Variants in MS4A1 observed in about 807,000 individuals in gnomAD.
The protein encoded by MS4A1 is B-lymphocyte antigen CD20.
In MS4A1, 16 loss-of-function variants were observed where a neutral mutation model predicts 26.5. That is an observed-to-expected ratio of 0.60 (90% confidence interval 0.41 to 0.92). The LOEUF (loss-of-function observed/expected upper bound fraction) is 0.92. MS4A1 is among the 40% of genes least tolerant of loss of function. The pLI is 0.00. For synonymous variants in MS4A1, 128 were observed against 117.6 expected (o/e 1.09, Z -0.57); for missense variants, 350 against 353.0 (o/e 0.99, Z 0.07).
intron 1 of MS4A1, among the ~76,000 whole-genome samples, chr11:60,460,826 G>A (rs1179505806): frequency 6.6e-6 from 1 of 151,674 alleles, no homozygotes; most frequent in Non-Finnish European, 1.5e-5. Context: ...CTGATAAATA[G>A]CATTTACTAC....
intron 1 of MS4A1, among the ~76,000 whole-genome samples, chr11:60,459,614 G>A (rs954754872): frequency 1.1e-4 from 17 of 152,122 alleles, no homozygotes; most frequent in Non-Finnish European, 1.3e-4. Flanking sequence ...GAATCAGTCC[G>A]CAAACTCTTT....
intron 1 of MS4A1, among the ~76,000 whole-genome samples, chr11:60,456,251 C>T (rs1185211433): frequency 6.6e-6 from 1 of 152,110 alleles, no homozygotes; most frequent in Non-Finnish European, 1.5e-5. Context: ...TGGAGCTCTA[C>T]CACTAACAAA....
chr11:60,468,575 T>C lies in MS4A1; in HGVS notation c.*107T>C. The C allele has an allele frequency of 1.0e-6, 1 of 998,124 alleles. No homozygotes were observed. Among genetic ancestry groups the C allele is most frequent in the Non-Finnish European group, 1.6e-6 (1 of 640,802 alleles). 61.8% of individuals were successfully genotyped at this position (998,124 alleles called of 1,614,324 possible). A position where few individuals can be genotyped will look rare whatever the true frequency, so the allele number is the denominator to read the frequency against. On this transcript the variant is annotated 3_prime_UTR_variant, in exon 8 of 8. Coordinates refer to ENST00000345732, the MANE Select transcript of MS4A1 (RefSeq NM_152866.3). ...AGGTACTCTGCACATACGCACCACA[T>C]CTCTATCTGGCCTTTGCATGGAGTG...
intron 7 of MS4A1, 103 bp downstream of exon 7, chr11:60,467,163 C>A: frequency 2.0e-6 from 2 of 1,006,268 alleles, no homozygotes; most frequent in Non-Finnish European, 3.1e-6. Flanking sequence ...AAACTAGGAG[C>A]TTGATTTAAA....
chr11:60,464,468 C>T (rs2086274655), intron 5 of MS4A1, 124 bp downstream of exon 5: 6 of 789,180 alleles, frequency 7.6e-6, no homozygotes, highest in Admixed American at 6.1e-5. Context: ...CAAAGACCCT[C>T]CACAATGTTA....
intron 2 of MS4A1, 86 bp downstream of exon 2, chr11:60,461,246 G>A (rs919017373): frequency 6.6e-5 from 10 of 151,740 alleles, no homozygotes; most frequent in African/African-American, 2.4e-4. Flanking sequence ...GTTATAGATT[G>A]AGGGTTCAAG....
intron 5 of MS4A1, among the ~76,000 whole-genome samples, chr11:60,464,791 A>C (rs566855826): frequency 2.0e-5 from 3 of 152,178 alleles, no homozygotes; most frequent in African/African-American, 7.2e-5. Context: ...CCTTGCTACC[A>C]TGTGACGTCC....
chr11:60,458,996 C>G (rs1180373109), intron 1 of MS4A1, among the ~76,000 whole-genome samples: 1 of 151,940 alleles, frequency 6.6e-6, no homozygotes, highest in Non-Finnish European at 1.5e-5. Flanking sequence ...ACACACACAG[C>G]CCTCATGGTC....
At chr11:60,464,673 G>T (rs1431299711) in intron 5 of MS4A1, among the ~76,000 whole-genome samples, 1 of 152,142 alleles carries the variant, frequency 6.6e-6, no homozygotes, top group Non-Finnish European at 1.5e-5. Flanking sequence ...TCTGATCAAT[G>T]TCATGATTGA....
At chr11:60,458,716 T>C (rs534277776) in intron 1 of MS4A1, among the ~76,000 whole-genome samples, 1 of 152,342 alleles carries the variant, frequency 6.6e-6, no homozygotes, top group South Asian at 2.1e-4. Context: ...GTTTTATGTA[T>C]TTATGAATTC....
Position 60,465,923 on chromosome 11 carries a change from C to T in MS4A1, c.339C>T (p.Val113=). The change falls in exon 6 of 8, where the codon GTC becomes GTT. Residue 113 remains valine, a splice_region_variant and synonymous_variant. Transcript: ENST00000345732. ...ATEKNSRKCL[V]KGKMIMNSLS... ...ATAAATCTGTGTCTCCATTTCAGGT[C>T]AAAGGAAAAATGATAATGAATTCAT... is the stretch of plus-strand genomic sequence containing the variant. 6.2e-7 allele frequency: 1 copy of T among 1,611,028 alleles called. No homozygotes were observed. Among genetic ancestry groups the T allele is most frequent in the Non-Finnish European group, 8.5e-7 (1 of 1,177,754 alleles).
intron 1 of MS4A1, among the ~76,000 whole-genome samples, chr11:60,459,101 C>A (rs1318801242): frequency 1.3e-5 from 2 of 152,162 alleles, no homozygotes; most frequent in Non-Finnish European, 2.9e-5. Flanking sequence ...TTTAATCAAG[C>A]AGTTGATGAA....
chr11:60,467,277 C>CTTTTT (rs201750543), intron 7 of MS4A1, among the ~76,000 whole-genome samples: 9 of 134,546 alleles, frequency 6.7e-5, no homozygotes, highest in African/African-American at 2.5e-4. Flanking sequence ...TTCTGTGCGT[C>CTTTTT]TTTTTTTTTT....
At chr11:60,462,875 C>T in intron 3 of MS4A1, 127 bp from the exon 4 acceptor site, 1 of 1,400,698 alleles carries the variant, frequency 7.1e-7, no homozygotes, top group Non-Finnish European at 1.0e-6. Context: ...AAATTCTTGG[C>T]ACCTCCACTG....
At chr11:60,456,003 G>A (rs748512821) in intron 1 of MS4A1, 58 bp downstream of exon 1, 6 of 152,172 alleles carry the variant, frequency 3.9e-5, no homozygotes, top group Admixed American at 3.9e-4. Flanking sequence ...ATAAGGTATA[G>A]AATGGTTTTG....
Position 60,463,067 on chromosome 11 carries a change from G to A in MS4A1, c.225G>A (p.Gly75=). Residue 75 remains glycine, a synonymous_variant, in exon 4 of 8, where the codon GGG becomes GGA. Transcript: ENST00000345732. ...ALGGLLMIPA[G]IYAPICVTVW... is the part of the protein sequence containing the mutation. ...GGGGTCTTCTGATGATCCCAGCAGG[G>A]ATCTATGCACCCATCTGTGTGACTG... is the stretch of plus-strand genomic sequence containing the variant. The A allele has an allele frequency of 1.9e-6, 3 of 1,614,162 alleles. No individual in the cohort carries two copies. The highest frequency in any genetic ancestry group is 2.5e-6 in the Non-Finnish European group (3 of 1,180,040).
rs992472234 is a variant in MS4A1, at chr11:60,467,037, A to G, written c.652A>G (p.Arg218Gly). 2.5e-6 allele frequency: 4 copies of G among 1,614,142 alleles called. No homozygotes were observed. Among genetic ancestry groups the G allele is most frequent in the Non-Finnish European group, 3.4e-6 (4 of 1,180,008 alleles). Residue 218 changes from arginine to glycine, a missense_variant, in exon 7 of 8, where the codon AGA becomes GGA. Coordinates refer to ENST00000345732, the MANE Select transcript of MS4A1 (RefSeq NM_152866.3). Reference sequence around the variant, plus strand: ...TGGCATCGTTGAGAATGAATGGAAAAGAACGTGCTCCAGACCCAAATCTGT... The same window carrying G: ...TGGCATCGTTGAGAATGAATGGAAAGGAACGTGCTCCAGACCCAAATCTGT... ...IAGIVENEWK[R>G]TCSRPKSNIV...
Position 60,462,471 on chromosome 11 carries a change from A to G in MS4A1, c.97A>G (p.Arg33Gly), listed in dbSNP as rs1222925482. ...ATCTGGTCCAAAACCACTCTTCAGGAGGATGTCTTCACTGGTGGGCCCCAC... is the reference window on the plus strand; with the variant it reads ...ATCTGGTCCAAAACCACTCTTCAGGGGGATGTCTTCACTGGTGGGCCCCAC... ...MQSGPKPLFRRMSSLVGPTQS... is the reference protein window; with the variant it reads ...MQSGPKPLFRGMSSLVGPTQS... The change falls in exon 3 of 8, where the codon AGG becomes GGG. Residue 33 changes from arginine (R) to glycine (G), a missense_variant. Transcript: ENST00000345732. 1.2e-6 allele frequency: 2 copies of G among 1,614,096 alleles called. No individual in the cohort carries two copies. Among genetic ancestry groups the G allele is most frequent in the Non-Finnish European group, 1.7e-6 (2 of 1,180,042 alleles).
chr11:60,465,179 T>C (rs144592719), intron 5 of MS4A1, among the ~76,000 whole-genome samples: 39 of 152,314 alleles, frequency 2.6e-4, no homozygotes, highest in African/African-American at 9.1e-4. Context: ...GAATGAAATA[T>C]GCGCAGCATA....
Sources: allele counts gnomAD v4.1 joint callset (sites outside exome capture counted in the v4.1 genomes callset), GRCh38; gene constraint gnomAD v4.1.1; transcripts MANE v1.5; gene names NCBI Gene and HGNC (gene_info 2026-07-23, HGNC 2026-07-21).